KCNIP4: variants seen among roughly 807,000 people sequenced by gnomAD.
KCNIP4 encodes potassium voltage-gated channel interacting protein 4.
Under a neutral mutation model 34.0 loss-of-function variants are expected in KCNIP4, and 12 were observed. The observed-to-expected ratio is 0.35, with a 90% CI of 0.23 to 0.57. The LOEUF (loss-of-function observed/expected upper bound fraction) is 0.57, where lower values mean the gene tolerates loss of function less well. Ranked by LOEUF, KCNIP4 falls within the 20% of genes least tolerant of loss-of-function variation. The pLI is 0.83. For synonymous variants in KCNIP4, 124 were observed against 102.2 expected, an observed-to-expected ratio of 1.21 and a Z score of -1.29; for missense variants, 238 against 311.7, an observed-to-expected ratio of 0.76 and a Z score of 1.78.
At chr4:21,353,388 T>C (rs1578117502) in intron 1 of KCNIP4, among the ~76,000 whole-genome samples, 1 of 152,080 alleles carries the variant, frequency 6.6e-6, no homozygotes, top group African/African-American at 2.4e-5. Flanking sequence ...GCAAGGAAGG[T>C]AAAAACCTTG....
At chr4:21,801,956 A>AT (rs983117414) in intron 1 of KCNIP4, among the ~76,000 whole-genome samples, 9 of 151,128 alleles carry the variant, frequency 6.0e-5, no homozygotes, top group East Asian at 3.9e-4. Context: ...AATTCAGGGA[A>AT]TTTTTTTTTT....
intron 3 of KCNIP4, among the ~76,000 whole-genome samples, chr4:20,850,157 G>A (rs1720849790): frequency 6.6e-6 from 1 of 152,144 alleles, no homozygotes. Context: ...CCAATTCCAG[G>A]AATGGAATCC....
intron 1 of KCNIP4, among the ~76,000 whole-genome samples, chr4:21,733,319 T>C (rs906652336): frequency 6.6e-5 from 10 of 152,308 alleles, no homozygotes; most frequent in South Asian, 2.1e-4. Context: ...GAATCGTATA[T>C]AGATACAGAT....
At chr4:20,928,887 G>T (rs1425581164) in intron 1 of KCNIP4, among the ~76,000 whole-genome samples, 1 of 151,842 alleles carries the variant, frequency 6.6e-6, no homozygotes, top group East Asian at 1.9e-4. Context: ...TTAAGAGATT[G>T]AAATATGAAT....
chr4:21,948,522 G>C, intron 1 of KCNIP4, 49 bp downstream of exon 1: 1 of 1,582,566 alleles, frequency 6.3e-7, no homozygotes, highest in Non-Finnish European at 8.6e-7. Context: ...GGCTCGCGAG[G>C]GAAGGAGGGC....
Position 21,411,476 on chromosome 4 carries a change from C to T in KCNIP4, c.62-528767G>A, listed in dbSNP as rs917135353. Among the ~76,000 whole-genome samples the T allele has an allele frequency of 2.0e-5, 3 of 152,240 alleles. 1 individual carries two copies. The South Asian group carries it at 6.2e-4, about 32-fold the overall frequency. ...TCTATACCACTGATATTAACAGAAA[C>T]AGTGAAGACCAAAGAAAATGTCTTT... On this transcript the variant is annotated intron_variant, in intron 1 of 8. Coordinates refer to ENST00000382152, the MANE Select transcript of KCNIP4 (RefSeq NM_025221.6).
intron 1 of KCNIP4, among the ~76,000 whole-genome samples, chr4:21,364,765 A>G (rs982591038): frequency 6.6e-6 from 1 of 152,164 alleles, no homozygotes; most frequent in African/African-American, 2.4e-5. Flanking sequence ...GTAGTGAAAG[A>G]TAACATGAGA....
chr4:20,839,121 A>G (rs1719407325), intron 3 of KCNIP4, among the ~76,000 whole-genome samples: 1 of 152,146 alleles, frequency 6.6e-6, no homozygotes, highest in Non-Finnish European at 1.5e-5. Flanking sequence ...TAGGGCTAAG[A>G]ACAAATCTGT....
Position 20,922,516 on chromosome 4 carries a change from A to ACTGTCTGT in KCNIP4, c.62-39815_62-39808dup, listed in dbSNP as rs763750641. Among the ~76,000 whole-genome samples, 1,353 of 143,278 alleles carry ACTGTCTGT rather than the reference A, an allele frequency of 9.4e-3. 22 individuals carry two copies. The highest frequency in any genetic ancestry group is 0.019 in the African/African-American group (710 of 38,354). The allele number at this position is 143,278 out of a possible 152,430, so 94.0% of individuals were successfully genotyped here. A position where few individuals can be genotyped will look rare whatever the true frequency, so the allele number is the denominator to read the frequency against. Reference sequence around the variant, plus strand: ...GACTTCTAGACCTCATAATAGTGTGACTGTCTGTCTGTCTGTCTGTCTGTC... The same window carrying ACTGTCTGT: ...GACTTCTAGACCTCATAATAGTGTGACTGTCTGTCTGTCTGTCTGTCTGTCTGTCTGTC... On this transcript the variant is annotated intron_variant, in intron 1 of 8. Transcript: ENST00000382152.
intron 1 of KCNIP4, among the ~76,000 whole-genome samples, chr4:21,767,194 C>T (rs539298818): frequency 2.8e-4 from 43 of 152,164 alleles, no homozygotes; most frequent in Non-Finnish European, 4.4e-4. Context: ...TGGAGCCCAA[C>T]GAGCAAGGAC....
At chr4:21,604,305 C>G (rs1243108493) in intron 1 of KCNIP4, among the ~76,000 whole-genome samples, 1 of 152,092 alleles carries the variant, frequency 6.6e-6, no homozygotes, top group Non-Finnish European at 1.5e-5. Context: ...CTAAATCATC[C>G]TACGTGTTAG....
chr4:21,316,661 T>C (rs548394417), intron 1 of KCNIP4, among the ~76,000 whole-genome samples: 2 of 152,330 alleles, frequency 1.3e-5, no homozygotes, highest in South Asian at 2.1e-4. Flanking sequence ...GTCAGTCTGA[T>C]AGCAAGTACA....
At chr4:21,132,095 AAAAT>A (rs1751113093) in intron 1 of KCNIP4, among the ~76,000 whole-genome samples, 3 of 152,364 alleles carry the variant, frequency 2.0e-5, no homozygotes, top group East Asian at 3.9e-4. Flanking sequence ...AAAATATTTC[AAAAT>A]AAATAATTTA....
At chr4:20,971,081 T>C (rs1275467462) in intron 1 of KCNIP4, among the ~76,000 whole-genome samples, 1 of 152,124 alleles carries the variant, frequency 6.6e-6, no homozygotes, top group Non-Finnish European at 1.5e-5. Flanking sequence ...ACCTGAGAGA[T>C]GTGTTCTAGA....
intron 1 of KCNIP4, among the ~76,000 whole-genome samples, chr4:21,720,013 A>AAGAAGAAGGAGAAGG (rs1553924606): frequency 1.3e-4 from 17 of 131,234 alleles, no homozygotes; most frequent in African/African-American, 5.1e-4. Flanking sequence ...AAAGAAGAAG[A>AAGAAGAAGGAGAAGG]AGAAGGAGAA....
chr4:21,185,131 T>C (rs1346195778), intron 1 of KCNIP4, among the ~76,000 whole-genome samples: 1 of 152,226 alleles, frequency 6.6e-6, no homozygotes, highest in East Asian at 1.9e-4. Context: ...TTTAGACTTT[T>C]AAAACAATGT....
At chr4:20,749,763 T>G (rs1278883149) in intron 4 of KCNIP4, 31 bp from the exon 5 acceptor site, 2 of 1,479,452 alleles carry the variant, frequency 1.4e-6, no homozygotes, top group African/African-American at 2.8e-5. Context: ...TATCATTAAG[T>G]CAGTGTTTCC....
At chr4:21,835,954 A>T (rs1439114079) in intron 1 of KCNIP4, among the ~76,000 whole-genome samples, 1 of 152,220 alleles carries the variant, frequency 6.6e-6, no homozygotes, top group African/African-American at 2.4e-5. Flanking sequence ...TCAACTGTAC[A>T]TAATTCAACT....
intron 4 of KCNIP4, among the ~76,000 whole-genome samples, chr4:20,751,336 A>G (rs1006892798): frequency 6.6e-6 from 1 of 152,192 alleles, no homozygotes; most frequent in Non-Finnish European, 1.5e-5. Context: ...TCTTTTGCAT[A>G]TGGAGCCAGG....
Sources: gnomAD v4.1 joint callset for allele counts (sites outside exome capture counted in the v4.1 genomes callset) on GRCh38, gnomAD v4.1.1 for gene constraint, MANE v1.5 for transcripts, NCBI Gene and HGNC (gene_info 2026-07-23, HGNC 2026-07-21) for gene names.